Variants in MINDY4 observed in about 807,000 individuals in gnomAD.
MINDY4 encodes the protein MINDY lysine 48 deubiquitinase 4.
Under a neutral mutation model 87.0 loss-of-function variants are expected in MINDY4, and 68 were observed. The ratio of observed to expected loss-of-function variants is 0.78; its 90% confidence interval spans 0.64 to 0.96. The LOEUF is 0.96. Among genes scored for constraint, MINDY4 ranks in the 40% least tolerant of loss-of-function variants. MINDY4 has a pLI of 0.00. For synonymous variants in MINDY4, 379 were observed against 363.2 expected (o/e 1.04, Z -0.50); for missense variants, 919 against 928.2 (o/e 0.99, Z 0.13).
chr7:30,784,173 C>T (rs949858703), intron 3 of MINDY4, among the ~76,000 whole-genome samples: 4 of 151,878 alleles, frequency 2.6e-5, no homozygotes, highest in Admixed American at 1.3e-4. Flanking sequence ...GCTCTTCCTC[C>T]GAGGCACTTA....
chr7:30,871,415 A>G (rs1584342036), intron 13 of MINDY4, among the ~76,000 whole-genome samples: 1 of 152,180 alleles, frequency 6.6e-6, no homozygotes, highest in African/African-American at 2.4e-5. Flanking sequence ...AAAAGGAACC[A>G]TGTCCTAATG....
chr7:30,817,906 C>T (rs1788205564), intron 5 of MINDY4, among the ~76,000 whole-genome samples: 1 of 152,188 alleles, frequency 6.6e-6, no homozygotes. Flanking sequence ...AATTTGTATT[C>T]AGGAAACCTG....
chr7:30,834,703 A>G (rs1439528588), intron 6 of MINDY4, among the ~76,000 whole-genome samples: 2 of 152,156 alleles, frequency 1.3e-5, no homozygotes, highest in Non-Finnish European at 2.9e-5. Context: ...TTTCCCTTAT[A>G]AAACTGGATG....
chr7:30,826,989 T>G (rs1470069261), intron 5 of MINDY4, among the ~76,000 whole-genome samples: 1 of 152,168 alleles, frequency 6.6e-6, no homozygotes, highest in Non-Finnish European at 1.5e-5. Context: ...TGGTCAGATT[T>G]GCTTTCTAGG....
chr7:30,859,258 T>C lies in MINDY4; in HGVS notation c.1679T>C (p.Phe560Ser). Residue 560 changes from phenylalanine (F) to serine (S), a missense_variant and splice_region_variant, in exon 13 of 18, where the codon TTT becomes TCT. By Grantham distance (155) the Phe-to-Ser change is radical. Coordinates refer to ENST00000265299, the MANE Select transcript of MINDY4 (RefSeq NM_032222.3). Reference sequence around the variant, plus strand: ...CTCATTTTTCTCTCCCCCTCCCAGTTTGAAGTGGGCCCCTATGGCTGCATC... The same window carrying C: ...CTCATTTTTCTCTCCCCCTCCCAGTCTGAAGTGGGCCCCTATGGCTGCATC... ...VTFLQQSIHQ[F>S]EVGPYGCILL... is the part of the protein sequence containing the mutation. 6.2e-7 allele frequency: 1 copy of C among 1,614,026 alleles called. No individual in the cohort carries two copies. Among genetic ancestry groups the C allele is most frequent in the Admixed American group, 1.7e-5 (1 of 60,022 alleles).
intron 13 of MINDY4, among the ~76,000 whole-genome samples, chr7:30,860,610 C>T (rs1238098899): frequency 6.6e-6 from 1 of 152,064 alleles, no homozygotes; most frequent in Non-Finnish European, 1.5e-5. Flanking sequence ...ATGCCAGTCT[C>T]AGCGCCCCCA....
At chr7:30,843,615 A>T (rs1286257748) in intron 9 of MINDY4, among the ~76,000 whole-genome samples, 1 of 138,310 alleles carries the variant, frequency 7.2e-6, no homozygotes, top group South Asian at 2.4e-4. Context: ...GGCCACATCC[A>T]TGGGGTGGAA....
At chr7:30,885,788 C>G (rs1185369435) in intron 17 of MINDY4, among the ~76,000 whole-genome samples, 1 of 151,336 alleles carries the variant, frequency 6.6e-6, no homozygotes, top group African/African-American at 2.4e-5. Flanking sequence ...GGCACTGGGC[C>G]AGGGGAACCT....
chr7:30,881,342 A>G (rs1790458733), intron 15 of MINDY4, among the ~76,000 whole-genome samples: 1 of 152,052 alleles, frequency 6.6e-6, no homozygotes, highest in African/African-American at 2.4e-5. Flanking sequence ...TTCCACAAAC[A>G]CTTCCACCAT....
chr7:30,852,307 A>C, intron 11 of MINDY4, 28 bp downstream of exon 11: 2 of 1,613,916 alleles, frequency 1.2e-6, no homozygotes, highest in Middle Eastern at 1.7e-4. Context: ...ATTATCACGC[A>C]AACTTTGGCT....
chr7:30,851,835 A>G (rs569972555), intron 10 of MINDY4, among the ~76,000 whole-genome samples: 2 of 152,166 alleles, frequency 1.3e-5, no homozygotes. Flanking sequence ...CTCGGAGAGG[A>G]TGGAGGTGGA....
chr7:30,779,898 C>T (rs6949578), intron 2 of MINDY4: 91,373 of 152,138 alleles, frequency 0.6, 29,500 homozygotes, highest in African/African-American at 0.85. Flanking sequence ...TTGAAAACTA[C>T]GCAAGTACAT....
intron 5 of MINDY4, among the ~76,000 whole-genome samples, chr7:30,791,945 C>T (rs1214537876): frequency 1.3e-5 from 2 of 152,184 alleles, no homozygotes; most frequent in East Asian, 1.9e-4. Context: ...TGTTGGGCTG[C>T]ATTCAAAGCC....
chr7:30,794,342 G>T (rs772790163), intron 5 of MINDY4, among the ~76,000 whole-genome samples: 3 of 152,120 alleles, frequency 2.0e-5, no homozygotes, highest in Non-Finnish European at 4.4e-5. Context: ...CTTCTAAAGC[G>T]TGGGAAAGTG....
intron 5 of MINDY4, among the ~76,000 whole-genome samples, chr7:30,816,938 A>T (rs994279336): frequency 6.6e-6 from 1 of 152,224 alleles, no homozygotes; most frequent in Non-Finnish European, 1.5e-5. Context: ...TGGCAACTGC[A>T]GGGTATAAAC....
rs148691816 is a variant in MINDY4 at position 30,804,904 on chromosome 7, C to T, written c.1073+13330C>T. ...TTCAGAGAGTGGAAGAATCCCAAGC[C>T]GAGGGGATGCTGTGAGCAAAGAGGT... On this transcript the variant is annotated intron_variant, in intron 5 of 17. Transcript: ENST00000265299. 6.2e-3 allele frequency among the ~76,000 whole-genome samples: 946 copies of T among 152,150 alleles called. 17 individuals carry two copies. The highest frequency in any genetic ancestry group is 0.021 in the African/African-American group (870 of 41,504).
chr7:30,838,627 G>C (rs1788933751), intron 7 of MINDY4, among the ~76,000 whole-genome samples: 1 of 152,088 alleles, frequency 6.6e-6, no homozygotes, highest in African/African-American at 2.4e-5. Context: ...CAGGTGGTGG[G>C]GGCAGATTTG....
In MINDY4 at chr7:30,882,273, C is replaced by G; in HGVS notation, c.2064C>G (p.Leu688=). ...FSILFSLQPG[L]LRDWRTERLF... ...TCCTCTTTAGCCTGCAGCCGGGGCT[C>G]CTGCGTGACTGGAGGACTGAGAGGC... The change falls in exon 16 of 18, where the codon CTC becomes CTG. Residue 688 remains leucine, a synonymous_variant. Transcript: ENST00000265299. The G allele has an allele frequency of 6.2e-7, 1 of 1,614,004 alleles. No individual in the cohort carries two copies. Among genetic ancestry groups the G allele is most frequent in the Non-Finnish European group, 8.5e-7 (1 of 1,179,892 alleles).
intron 5 of MINDY4, among the ~76,000 whole-genome samples, chr7:30,793,555 A>T (rs145629406): frequency 1.3e-5 from 2 of 152,004 alleles, no homozygotes; most frequent in East Asian, 3.9e-4. Context: ...ACGTGGGACC[A>T]CAGATGCACT....
Sources: gnomAD v4.1 joint callset for allele counts (sites outside exome capture counted in the v4.1 genomes callset) on GRCh38, gnomAD v4.1.1 for gene constraint, MANE v1.5 for transcripts, NCBI Gene and HGNC (gene_info 2026-07-23, HGNC 2026-07-21) for gene names.